The following RANBP3 variants were observed in gnomAD, a reference collection of about 807,000 sequenced individuals.
RANBP3 encodes RAN binding protein 3, also known as ran-binding protein 3.
A neutral mutation model predicts 77.3 loss-of-function variants in RANBP3; 14 were observed. The observed-to-expected ratio is 0.18, with a 90% CI of 0.12 to 0.28. The LOEUF is 0.28. RANBP3 is among the 10% of genes least tolerant of loss of function. The probability of loss-of-function intolerance (pLI) is 1.00; values close to 1 mark genes in which losing one functional copy is unlikely to be tolerated. For missense variants in RANBP3, 586 were observed against 752.3 expected (o/e 0.78, Z 2.59); for synonymous variants, 315 against 312.4 (o/e 1.01, Z -0.09).
At chr19:5,972,069 A>G (rs35113160) in intron 1 of RANBP3, among the ~76,000 whole-genome samples, 10,422 of 152,360 alleles carry the variant, frequency 0.068, 383 homozygotes, top group Non-Finnish European at 0.084. Context: ...AATTACAAAC[A>G]AAAACCTAAA....
At chr19:5,942,953 G>A (rs1373232901) in intron 3 of RANBP3, among the ~76,000 whole-genome samples, 1 of 152,048 alleles carries the variant, frequency 6.6e-6, no homozygotes, top group Non-Finnish European at 1.5e-5. Context: ...ACCTGAGCCC[G>A]GGGTCTGAGG....
intron 5 of RANBP3, among the ~76,000 whole-genome samples, chr19:5,936,023 CCTGT>C (rs1274736681): frequency 3.3e-5 from 5 of 152,316 alleles, no homozygotes; most frequent in Admixed American, 6.5e-5. Context: ...TGGCAGGCTC[CCTGT>C]CTGAGGGTGC....
At chr19:5,926,398 A>C (rs117284005) in intron 9 of RANBP3, among the ~76,000 whole-genome samples, 2,179 of 152,160 alleles carry the variant, frequency 0.014, 34 homozygotes, top group Non-Finnish European at 0.019. Flanking sequence ...AAAAATACAA[A>C]AAATTAGCTG....
Position 5,924,254 on chromosome 19 carries a change from G to T in RANBP3, c.997-340C>A, listed in dbSNP as rs1040582609. On this transcript the variant is annotated intron_variant, in intron 11 of 16. Transcript: ENST00000340578. The surrounding 1 kb of genome is among the most constrained non-coding windows in gnomAD (Gnocchi z 4.7). ...TGCAGCCTAACTCCAGACAGAGCTA[G>T]AGTGACCAGGCGGCTCAGGACAGGC... Among the ~76,000 whole-genome samples the T allele has an allele frequency of 1.3e-5, 2 of 152,264 alleles. No individual in the cohort carries two copies. The highest frequency in any genetic ancestry group is 2.9e-5 in the Non-Finnish European group (2 of 68,048).
At chr19:5,975,059 G>A (rs1375475097) in intron 1 of RANBP3, among the ~76,000 whole-genome samples, 3 of 152,202 alleles carry the variant, frequency 2.0e-5, no homozygotes, top group African/African-American at 7.2e-5. Flanking sequence ...ACGTGACCAT[G>A]GGGCAGCCCC....
At position 5,925,689 on chromosome 19, in the gene RANBP3, G is replaced by C. The variant is rs777199261; in HGVS notation, c.862C>G (p.Pro288Ala). ...GTTGCGGTTGGCGTGTCTGCGCTGG[G>C]GTGTCCAGCATTCTCCATGTCGGCT... The part of the protein sequence containing the change: ...DEADMENAGH[P>A]SADTPTATNY... The change falls in exon 10 of 17, where the codon CCC (proline) becomes GCC (alanine). Residue 288 changes from proline (P) to alanine (A), a missense_variant. Around this residue, in one of 5 missense-constraint regions of RANBP3, gnomAD observed 232 missense variants for 271.7 expected, o/e 0.85. Coordinates refer to ENST00000340578, the MANE Select transcript of RANBP3 (RefSeq NM_007322.3). The C allele has an allele frequency of 6.2e-7, 1 of 1,613,878 alleles. No individual in the cohort carries two copies. Among genetic ancestry groups the C allele is most frequent in the African/African-American group, 1.3e-5 (1 of 74,884 alleles).
chr19:5,935,422 C>G (rs2058050863), intron 5 of RANBP3, among the ~76,000 whole-genome samples: 2 of 152,250 alleles, frequency 1.3e-5, no homozygotes, highest in South Asian at 4.1e-4. Flanking sequence ...GAAGGAAACA[C>G]TCAATTACAT....
intron 3 of RANBP3, among the ~76,000 whole-genome samples, chr19:5,946,941 G>A (rs2058212613): frequency 6.6e-6 from 1 of 152,180 alleles, no homozygotes; most frequent in Non-Finnish European, 1.5e-5. Context: ...GGTCCTCAGG[G>A]GTTGGTCCCG....
At chr19:5,938,212 G>C (rs192887962) in intron 5 of RANBP3, among the ~76,000 whole-genome samples, 1 of 152,180 alleles carries the variant, frequency 6.6e-6, no homozygotes, top group African/African-American at 2.4e-5. Context: ...AGTCGGCAAT[G>C]AATTTATATA....
intron 14 of RANBP3, 147 bp from the exon 15 acceptor site, chr19:5,918,785 C>A (rs2057779649): frequency 9.6e-7 from 1 of 1,047,026 alleles, no homozygotes; most frequent in Non-Finnish European, 1.4e-6. Flanking sequence ...CAGAGCAAGA[C>A]TTCTCCCTGA....
intron 7 of RANBP3, among the ~76,000 whole-genome samples, chr19:5,931,862 G>A (rs983394784): frequency 5.3e-5 from 8 of 151,932 alleles, no homozygotes; most frequent in South Asian, 2.1e-4. Flanking sequence ...GCAAGTCCTC[G>A]TTTCTAAAAT....
rs1345694810 is a variant in RANBP3 at position 5,917,598 on chromosome 19, G to A, written c.*12C>T. 6.3e-7 allele frequency: 1 copy of A among 1,590,700 alleles called. No homozygotes were observed. Among genetic ancestry groups the A allele is most frequent in the Admixed American group, 1.7e-5 (1 of 58,040 alleles). ...AAAGCAGCAGCCTGGTGTGCAGCCG[G>A]GCTCCCGGCCGCTATGTGCTCCCGG... is the stretch of plus-strand genomic sequence containing the variant. On this transcript the variant is annotated 3_prime_UTR_variant, in exon 17 of 17. Coordinates refer to ENST00000340578, the MANE Select transcript of RANBP3 (RefSeq NM_007322.3).
chr19:5,920,266 T>C (rs1236219620), intron 14 of RANBP3, among the ~76,000 whole-genome samples: 1 of 151,890 alleles, frequency 6.6e-6, no homozygotes, highest in African/African-American at 2.4e-5. Flanking sequence ...CCAGACGTGG[T>C]GGTGCATCTG....
rs886436436 is a variant in RANBP3 at position 5,959,514 on chromosome 19, A to G, written c.23-1541T>C. On this transcript the variant is annotated intron_variant, in intron 1 of 16. Coordinates refer to ENST00000340578, the MANE Select transcript of RANBP3 (RefSeq NM_007322.3). This position sits in a 1 kb window ranked among gnomAD's most constrained non-coding sequence, Gnocchi z 5.1. ...TTCACCGTGTACAGCCAAGGCAAAC[A>G]CTGGAGTGAGTGGCGTGCGCGAGAC... Among the ~76,000 whole-genome samples the G allele has an allele frequency of 6.6e-6, 1 of 151,994 alleles. No individual in the cohort carries two copies. Among genetic ancestry groups the G allele is most frequent in the East Asian group, 1.9e-4 (1 of 5,140 alleles).
At chr19:5,969,861 G>A (rs776586991) in intron 1 of RANBP3, among the ~76,000 whole-genome samples, 5 of 152,248 alleles carry the variant, frequency 3.3e-5, no homozygotes, top group Non-Finnish European at 7.3e-5. Flanking sequence ...TCCTGAAGAG[G>A]GATATGATGT....
At chr19:5,935,966 G>A (rs2058059117) in intron 5 of RANBP3, 1 of 350,618 alleles carries the variant, frequency 2.9e-6, no homozygotes, top group Admixed American at 3.3e-5. Context: ...TCACTCCAGA[G>A]AGGAAGAGGA....
chr19:5,957,789 G>A (rs1052949831), intron 2 of RANBP3, 129 bp downstream of exon 2: 6 of 932,100 alleles, frequency 6.4e-6, no homozygotes, highest in Non-Finnish European at 1.0e-5. Context: ...AAAGTGTAAA[G>A]GCCTCTGCTT....
chr19:5,947,857 CA>C (rs1199973332), intron 3 of RANBP3, among the ~76,000 whole-genome samples: 35 of 152,246 alleles, frequency 2.3e-4, no homozygotes, highest in African/African-American at 4.6e-4. Context: ...AAATACAAGA[CA>C]GAGGGGCACA....
chr19:5,937,193 G>A (rs1050240894), intron 5 of RANBP3, among the ~76,000 whole-genome samples: 2 of 151,760 alleles, frequency 1.3e-5, no homozygotes, highest in African/African-American at 4.8e-5. Context: ...CAGTCCCAGA[G>A]TCTAAAGTGT....
Sources: gnomAD v4.1 joint callset for allele counts (sites outside exome capture counted in the v4.1 genomes callset) on GRCh38, gnomAD v4.1.1 for gene constraint, gnomAD v4.1.1 regional missense constraint, Gnocchi (gnomAD v3.1) non-coding constraint, MANE v1.5 for transcripts, NCBI Gene and HGNC (gene_info 2026-07-23, HGNC 2026-07-21) for gene names.